PPP6R2: variants seen among roughly 807,000 people sequenced by gnomAD.
PPP6R2 encodes protein phosphatase 6 regulatory subunit 2.
Under a neutral mutation model 100.2 loss-of-function variants are expected in PPP6R2, and 62 were observed. The ratio of observed to expected loss-of-function variants is 0.62; its 90% confidence interval spans 0.50 to 0.76. The LOEUF (loss-of-function observed/expected upper bound fraction) is 0.76, where lower values mean the gene tolerates loss of function less well. PPP6R2 is among the 30% of genes least tolerant of loss of function. The pLI, the probability that PPP6R2 is intolerant of heterozygous loss-of-function variation, is 0.00. For missense variants in PPP6R2, 1,142 were observed against 1,276.3 expected, an observed-to-expected ratio of 0.89 and a Z score of 1.60; for synonymous variants, 525 against 514.7, an observed-to-expected ratio of 1.02 and a Z score of -0.27.
chr22:50,370,601 A>G (rs1295926040), intron 1 of PPP6R2, among the ~76,000 whole-genome samples: 1 of 150,040 alleles, frequency 6.7e-6, no homozygotes, highest in Middle Eastern at 3.4e-3. Context: ...TATGTTTTAA[A>G]GAAAAAAGTT....
intron 14 of PPP6R2, 73 bp downstream of exon 14, chr22:50,436,525 C>T: frequency 6.8e-7 from 1 of 1,469,804 alleles, no homozygotes; most frequent in Non-Finnish European, 9.3e-7. Context: ...CTGCCTTTGC[C>T]CTGAGGCAGA....
In PPP6R2 at chr22:50,438,311, C is replaced by T; in HGVS notation, c.1964+13C>T. 1 of 1,606,638 alleles carries T rather than the reference C, an allele frequency of 6.2e-7. No individual in the cohort carries two copies. The highest frequency in any genetic ancestry group is 8.5e-7 in the Non-Finnish European group (1 of 1,176,836). On this transcript the variant is annotated intron_variant, in intron 18 of 23. Coordinates refer to ENST00000612753, the MANE Select transcript of PPP6R2 (RefSeq NM_001242898.2). The stretch of plus-strand genomic sequence containing the variant: ...TGGCCAGACCCAGGTGCGGGGCCTG[C>T]CCATCCCCACAAAGCCTCTGCCGAG...
intron 14 of PPP6R2, 110 bp from the exon 15 acceptor site, chr22:50,436,878 T>A: frequency 1.2e-6 from 1 of 842,198 alleles, no homozygotes; most frequent in Non-Finnish European, 2.0e-6. Context: ...AGTGATGTGC[T>A]GGGTGGGGTC....
intron 1 of PPP6R2, among the ~76,000 whole-genome samples, chr22:50,364,363 T>C (rs1198897595): frequency 1.3e-5 from 2 of 152,172 alleles, no homozygotes; most frequent in Admixed American, 1.3e-4. Flanking sequence ...TTACGGATAC[T>C]GCAAGTTAGT....
At chr22:50,343,699 C>T (rs2042721378) in intron 1 of PPP6R2, 149 bp downstream of exon 1, 1 of 106,652 alleles carries the variant, frequency 9.4e-6, no homozygotes, top group Non-Finnish European at 1.9e-5. Context: ...CAGTCGGTGC[C>T]CCCGGAGTCA....
intron 3 of PPP6R2, among the ~76,000 whole-genome samples, chr22:50,399,438 ACT>A (rs775568882): frequency 3.3e-5 from 5 of 152,006 alleles, no homozygotes; most frequent in East Asian, 1.9e-4. Context: ...GTGCTTCGCG[ACT>A]CTGCTATCCT....
At chr22:50,430,298 G>A (rs2062893102) in intron 10 of PPP6R2, among the ~76,000 whole-genome samples, 1 of 152,222 alleles carries the variant, frequency 6.6e-6, no homozygotes, top group South Asian at 2.1e-4. Flanking sequence ...GTGTCTGAAT[G>A]TGCCCCTCAC....
At chr22:50,386,285 G>C (rs150925555) in intron 2 of PPP6R2, among the ~76,000 whole-genome samples, 1 of 151,752 alleles carries the variant, frequency 6.6e-6, no homozygotes, top group Admixed American at 6.6e-5. Flanking sequence ...GGGATTACAG[G>C]TGCCCGCCAC....
At chr22:50,434,892 A>T in intron 12 of PPP6R2, 74 bp from the exon 13 acceptor site, 1 of 1,373,552 alleles carries the variant, frequency 7.3e-7, no homozygotes, top group Non-Finnish European at 9.9e-7. Flanking sequence ...GGCCTCTGCC[A>T]CTTGGCTCTC....
intron 3 of PPP6R2, among the ~76,000 whole-genome samples, chr22:50,394,904 ACT>A (rs1043973121): frequency 2.8e-5 from 3 of 107,148 alleles, no homozygotes; most frequent in African/African-American, 4.2e-5. Context: ...ACAGAGTGTG[ACT>A]CTGTCTCAAA....
intron 6 of PPP6R2, among the ~76,000 whole-genome samples, chr22:50,418,655 G>C (rs894321153): frequency 1.3e-5 from 2 of 151,750 alleles, no homozygotes; most frequent in Non-Finnish European, 2.9e-5. Flanking sequence ...CAAAGTGCTA[G>C]GATTACAGGC....
intron 2 of PPP6R2, among the ~76,000 whole-genome samples, chr22:50,387,616 C>T (rs1285319640): frequency 1.3e-5 from 2 of 152,076 alleles, no homozygotes; most frequent in African/African-American, 4.8e-5. Flanking sequence ...TAACAACGGG[C>T]TTTCTGGGGA....
At chr22:50,408,447 C>T (rs949348652) in intron 4 of PPP6R2, among the ~76,000 whole-genome samples, 2 of 152,076 alleles carry the variant, frequency 1.3e-5, no homozygotes, top group South Asian at 2.1e-4. Flanking sequence ...TTGCAAGGGC[C>T]GCCAGGGGAC....
intron 1 of PPP6R2, among the ~76,000 whole-genome samples, chr22:50,357,627 T>C (rs1287990764): frequency 2.1e-5 from 3 of 142,762 alleles, no homozygotes; most frequent in African/African-American, 7.6e-5. Flanking sequence ...CCCTGGCTAA[T>C]TTTTTTTTTT....
chr22:50,397,681 T>TGCTG (rs1255862880), intron 3 of PPP6R2, among the ~76,000 whole-genome samples: 6 of 69,644 alleles, frequency 8.6e-5, no homozygotes, highest in Admixed American at 2.9e-4. Flanking sequence ...TGACTTGGGA[T>TGCTG]GGGGGCAGGG....
intron 6 of PPP6R2, among the ~76,000 whole-genome samples, chr22:50,417,694 C>G (rs998451676): frequency 6.6e-6 from 1 of 151,930 alleles, no homozygotes; most frequent in Admixed American, 6.6e-5. Flanking sequence ...ACAAGGAGGC[C>G]GCCCTGCCTG....
At chr22:50,414,475 C>T in intron 4 of PPP6R2, 77 bp from the exon 5 acceptor site, 1 of 1,517,998 alleles carries the variant, frequency 6.6e-7, no homozygotes, top group Non-Finnish European at 9.0e-7. Context: ...TCAACTTTCC[C>T]ATGAGAGTTT....
intron 4 of PPP6R2, among the ~76,000 whole-genome samples, chr22:50,412,191 G>A (rs1190614554): frequency 6.6e-6 from 1 of 151,770 alleles, no homozygotes; most frequent in Non-Finnish European, 1.5e-5. Flanking sequence ...AAAAATAGAG[G>A]TTATTTTTTC....
At chr22:50,338,172 GGTGTGTGTGTGCTGTGTGGGTATA>G in the PPP6R2 span, among the ~76,000 whole-genome samples, 3 of 138,070 alleles carry the variant, frequency 2.2e-5, no homozygotes, top group African/African-American at 8.2e-5. Flanking sequence ...CGATGTGTGA[GGTGTGTGTGTGCTGTGTGGGTATA>G]GTGTGTGTCG....
Sources: allele counts gnomAD v4.1 joint callset (sites outside exome capture counted in the v4.1 genomes callset), GRCh38; gene constraint gnomAD v4.1.1; transcripts MANE v1.5; gene names NCBI Gene and HGNC (gene_info 2026-07-23, HGNC 2026-07-21).